VWC2: variants seen among roughly 807,000 people sequenced by gnomAD.
VWC2 encodes the protein brorin.
VWC2 carries 14 observed loss-of-function variants against 29.8 expected under a neutral mutation model. That is an observed-to-expected ratio of 0.47 (90% CI 0.31 to 0.74). The LOEUF is 0.74. VWC2 is among the 30% of genes least tolerant of loss of function. VWC2 has a pLI of 0.05. For synonymous variants in VWC2, 213 were observed against 199.0 expected, an observed-to-expected ratio of 1.07 and a Z score of -0.59; for missense variants, 457 against 459.8, an observed-to-expected ratio of 0.99 and a Z score of 0.05.
chr7:49,835,219 C>T (rs190497768), intron 3 of VWC2, among the ~76,000 whole-genome samples: 1 of 152,264 alleles, frequency 6.6e-6, no homozygotes, highest in East Asian at 1.9e-4. Flanking sequence ...TACTGGACAT[C>T]AGTTAGTCCA....
intron 3 of VWC2, among the ~76,000 whole-genome samples, chr7:49,881,203 C>T (rs1203304224): frequency 5.9e-5 from 9 of 152,012 alleles, no homozygotes; most frequent in African/African-American, 1.2e-4. Flanking sequence ...GAGCTTGAGC[C>T]GAGAGGAGGA....
chr7:49,817,712 C>T (rs1440920986), intron 3 of VWC2, among the ~76,000 whole-genome samples: 1 of 152,212 alleles, frequency 6.6e-6, no homozygotes, highest in Non-Finnish European at 1.5e-5. Context: ...TGCATCTCAT[C>T]TTTTCTAAAA....
At chr7:49,870,690 A>G (rs1791112805) in intron 3 of VWC2, among the ~76,000 whole-genome samples, 1 of 152,226 alleles carries the variant, frequency 6.6e-6, no homozygotes, top group Admixed American at 6.5e-5. Context: ...GAGTTGGGAA[A>G]CCATGACGTT....
In VWC2 at chr7:49,920,563, G is replaced by A. The variant is rs139324162; in HGVS notation, c.*8378G>A. The stretch of plus-strand genomic sequence containing the variant: ...CGGAAAGCTGGACCTAAGCAGTGAA[G>A]GATGTAAGGGAACAGAGAGAGACTC... On this transcript the variant is annotated 3_prime_UTR_variant, in exon 4 of 4. Coordinates refer to ENST00000340652, the MANE Select transcript of VWC2 (RefSeq NM_198570.5). 268 of 152,308 alleles carry A rather than the reference G, an allele frequency of 1.8e-3. 3 individuals are homozygous for A. The highest frequency in any genetic ancestry group is 6.0e-3 in the African/African-American group (250 of 41,572). The allele number at this position is 152,308 out of a possible 1,614,324, so 9.4% of individuals were successfully genotyped here. A position where few individuals can be genotyped will look rare whatever the true frequency, so the allele number is the denominator to read the frequency against.
intron 3 of VWC2, among the ~76,000 whole-genome samples, chr7:49,819,695 T>A (rs868161689): frequency 1.3e-5 from 2 of 152,112 alleles, no homozygotes; most frequent in South Asian, 4.1e-4. Flanking sequence ...AACAGTAAAT[T>A]TTTAGAGAAG....
At chr7:49,815,256 T>C (rs558873189) in intron 3 of VWC2, among the ~76,000 whole-genome samples, 28 of 152,304 alleles carry the variant, frequency 1.8e-4, no homozygotes, top group Non-Finnish European at 3.5e-4. Flanking sequence ...ACTTCAATTA[T>C]GATAAAAGTA....
intron 3 of VWC2, among the ~76,000 whole-genome samples, chr7:49,857,954 C>T (rs1288081505): frequency 2.6e-5 from 4 of 152,176 alleles, no homozygotes; most frequent in African/African-American, 9.7e-5. Flanking sequence ...TGAGACCACA[C>T]AGGCTTTCCC....
At chr7:49,819,373 A>G (rs2128709047) in intron 3 of VWC2, among the ~76,000 whole-genome samples, 1 of 152,134 alleles carries the variant, frequency 6.6e-6, no homozygotes, top group South Asian at 2.1e-4. Context: ...GGGTGACATG[A>G]CTCCTAGGCC....
At chr7:49,776,998 A>G (rs1788069220) in intron 2 of VWC2, among the ~76,000 whole-genome samples, 1 of 152,244 alleles carries the variant, frequency 6.6e-6, no homozygotes, top group Non-Finnish European at 1.5e-5. Context: ...CCAAAAGCCC[A>G]GCTCCACTGG....
chr7:49,872,330 C>T (rs690887), intron 3 of VWC2, among the ~76,000 whole-genome samples: 7,487 of 151,934 alleles, frequency 0.049, 600 homozygotes, highest in African/African-American at 0.17. Context: ...ATGTGTCCAC[C>T]AAGTGTCAAG....
chr7:49,812,773 G>T (rs1789043438), intron 3 of VWC2, among the ~76,000 whole-genome samples: 2 of 152,112 alleles, frequency 1.3e-5, no homozygotes, highest in South Asian at 4.1e-4. Context: ...CCTTATTTGG[G>T]CATAGTCTGA....
chr7:49,779,958 G>T (rs537825190), intron 2 of VWC2, among the ~76,000 whole-genome samples: 1 of 152,112 alleles, frequency 6.6e-6, no homozygotes, highest in African/African-American at 2.4e-5. Flanking sequence ...TAATTACCTC[G>T]TTAAAGACCT....
intron 3 of VWC2, among the ~76,000 whole-genome samples, chr7:49,827,357 A>AT (rs934376692): frequency 3.8e-5 from 2 of 51,978 alleles, no homozygotes; most frequent in Admixed American, 4.7e-4. Context: ...ATACTTTCAA[A>AT]TTTTTTTTAA....
intron 3 of VWC2, among the ~76,000 whole-genome samples, chr7:49,911,347 TG>T (rs1394145231): frequency 6.6e-6 from 1 of 151,808 alleles, no homozygotes; most frequent in Non-Finnish European, 1.5e-5. Context: ...CTGGGTGTGG[TG>T]GCACGCCCCT....
intron 2 of VWC2, among the ~76,000 whole-genome samples, chr7:49,790,609 TAG>T (rs1268826884): frequency 8.6e-5 from 13 of 151,990 alleles, no homozygotes; most frequent in Admixed American, 7.2e-4. Flanking sequence ...AGGGAGAAAG[TAG>T]AGAGGGGCAG....
chr7:49,887,438 A>T (rs1791949090), intron 3 of VWC2, among the ~76,000 whole-genome samples: 2 of 152,236 alleles, frequency 1.3e-5, no homozygotes, highest in Admixed American at 1.3e-4. Flanking sequence ...AAATGTGGTT[A>T]TATAATTGAT....
chr7:49,901,518 A>G (rs1168171681), intron 3 of VWC2, among the ~76,000 whole-genome samples: 2 of 151,886 alleles, frequency 1.3e-5, no homozygotes, highest in African/African-American at 4.8e-5. Flanking sequence ...TAAGATCTAT[A>G]TGAGGAAAAA....
intron 3 of VWC2, among the ~76,000 whole-genome samples, chr7:49,853,602 G>A (rs1426202947): frequency 1.3e-5 from 2 of 152,034 alleles, no homozygotes; most frequent in South Asian, 2.1e-4. Context: ...TTTACATAAA[G>A]TATGTTTACG....
intron 3 of VWC2, among the ~76,000 whole-genome samples, chr7:49,896,936 C>T (rs1034742101): frequency 7.7e-5 from 11 of 142,076 alleles, no homozygotes; most frequent in Non-Finnish European, 1.2e-4. Context: ...TCGCCCAGGC[C>T]GGACTGCAGA....
Sources: allele counts gnomAD v4.1 joint callset (sites outside exome capture counted in the v4.1 genomes callset), GRCh38; gene constraint gnomAD v4.1.1; transcripts MANE v1.5; gene names NCBI Gene and HGNC (gene_info 2026-07-23, HGNC 2026-07-21).